MACROD2: variants seen among roughly 807,000 people sequenced by gnomAD.
MACROD2 encodes mono-ADP ribosylhydrolase 2, also known as ADP-ribose glycohydrolase MACROD2.
MACROD2 carries 36 observed loss-of-function variants against 70.4 expected under a neutral mutation model. The ratio of observed to expected loss-of-function variants is 0.51; its 90% CI spans 0.39 to 0.68. The LOEUF (loss-of-function observed/expected upper bound fraction) is 0.68, where lower values mean the gene tolerates loss of function less well. Among genes scored for constraint, MACROD2 ranks in the 30% least tolerant of loss-of-function variants. MACROD2 has a pLI of 0.00. For synonymous variants in MACROD2, 172 were observed against 178.8 expected (o/e 0.96, Z 0.30); for missense variants, 496 against 538.4 (o/e 0.92, Z 0.78).
At chr20:14,515,748 T>A (rs1346154803) in intron 4 of MACROD2, among the ~76,000 whole-genome samples, 1 of 151,924 alleles carries the variant, frequency 6.6e-6, no homozygotes, top group East Asian at 1.9e-4. Flanking sequence ...GGATACTAAA[T>A]TCCATTTAGA....
Position 14,233,453 on chromosome 20 carries a change from G to A in MACROD2, c.271+147725G>A, listed in dbSNP as rs556885730. On this transcript the variant is annotated intron_variant, in intron 3 of 17. Transcript: ENST00000684519. Reference sequence around the variant, plus strand: ...CACGCCTGTAATCCCAGCACTTTGGGAGGCCAAGGTGGGAGGATCACGAGG... The same window carrying A: ...CACGCCTGTAATCCCAGCACTTTGGAAGGCCAAGGTGGGAGGATCACGAGG... 9.9e-5 allele frequency among the ~76,000 whole-genome samples: 15 copies of A among 152,104 alleles called. No homozygotes were observed. The South Asian group carries it at 3.1e-3, about 32-fold the overall frequency.
At chr20:14,441,378 C>T (rs2084121032) in intron 3 of MACROD2, among the ~76,000 whole-genome samples, 1 of 152,114 alleles carries the variant, frequency 6.6e-6, no homozygotes. Flanking sequence ...ACTGCCTAGT[C>T]ATAGAGTTGC....
At chr20:14,876,112 T>C (rs186112427) in intron 5 of MACROD2, among the ~76,000 whole-genome samples, 4 of 152,316 alleles carry the variant, frequency 2.6e-5, no homozygotes, top group Admixed American at 2.6e-4. Flanking sequence ...CATTCTCTTT[T>C]CTCCACAGCC....
intron 3 of MACROD2, among the ~76,000 whole-genome samples, chr20:14,320,659 TGGAA>T (rs2082650750): frequency 7.1e-6 from 1 of 141,514 alleles, no homozygotes; most frequent in South Asian, 2.4e-4. Context: ...TAATCACCTT[TGGAA>T]TTTTTTTTTT....
intron 5 of MACROD2, among the ~76,000 whole-genome samples, chr20:15,131,754 A>G (rs1486518980): frequency 6.6e-6 from 1 of 152,058 alleles, no homozygotes; most frequent in African/African-American, 2.4e-5. Context: ...ACCAAGGGGA[A>G]AACATGTATG....
chr20:14,491,753 T>A (rs1396898664), intron 3 of MACROD2, among the ~76,000 whole-genome samples: 2 of 152,224 alleles, frequency 1.3e-5, no homozygotes, highest in African/African-American at 4.8e-5. Flanking sequence ...CATGGTAATT[T>A]AAGTGAAGAG....
chr20:14,531,965 G>A (rs1412985069), intron 4 of MACROD2, among the ~76,000 whole-genome samples: 1 of 152,066 alleles, frequency 6.6e-6, no homozygotes, highest in African/African-American at 2.4e-5. Context: ...GTTCCTCTCA[G>A]CCAGCACTCG....
At chr20:15,533,525 TTCTGTC>T (rs954854706) in intron 8 of MACROD2, among the ~76,000 whole-genome samples, 3 of 142,964 alleles carry the variant, frequency 2.1e-5, no homozygotes, top group Non-Finnish European at 4.6e-5. Flanking sequence ...CTATCCAACT[TTCTGTC>T]TCTGTCTCTG....
In MACROD2 at chr20:14,600,770, C is replaced by T. The variant is rs575144245; in HGVS notation, c.302-84073C>T. ...TGCTCCTGAGCAGGCTTTATTTTGTCATTGCATTTGTATTAGTGTGGCCTT... is the reference window on the plus strand; with the variant it reads ...TGCTCCTGAGCAGGCTTTATTTTGTTATTGCATTTGTATTAGTGTGGCCTT... On this transcript the variant is annotated intron_variant, in intron 4 of 17. Transcript: ENST00000684519. Among the ~76,000 whole-genome samples, 4 of 152,258 alleles carry T rather than the reference C, an allele frequency of 2.6e-5. No homozygotes were observed. In the East Asian group the frequency reaches 7.7e-4, roughly 29 times the overall value.
chr20:15,456,763 C>T (rs1414706873), intron 7 of MACROD2, among the ~76,000 whole-genome samples: 1 of 152,112 alleles, frequency 6.6e-6, no homozygotes, highest in Non-Finnish European at 1.5e-5. Flanking sequence ...CTGGGTCTTA[C>T]CCCTCAAAAT....
intron 4 of MACROD2, among the ~76,000 whole-genome samples, chr20:14,612,045 C>T (rs961908458): frequency 1.3e-5 from 2 of 152,038 alleles, no homozygotes; most frequent in Admixed American, 6.6e-5. Flanking sequence ...CTAGATTTTG[C>T]AGTTTTAATC....
chr20:14,390,070 T>C (rs1049167636), intron 3 of MACROD2, among the ~76,000 whole-genome samples: 2 of 152,206 alleles, frequency 1.3e-5, no homozygotes. Flanking sequence ...AAAATCAATG[T>C]GTAAAAATTA....
At chr20:15,789,295 T>G (rs1276778011) in intron 8 of MACROD2, among the ~76,000 whole-genome samples, 1 of 152,194 alleles carries the variant, frequency 6.6e-6, no homozygotes, top group East Asian at 1.9e-4. Flanking sequence ...TCTTTTGGAT[T>G]GCGTTCAGAG....
At chr20:14,559,411 G>C (rs1979276960) in intron 4 of MACROD2, among the ~76,000 whole-genome samples, 1 of 151,598 alleles carries the variant, frequency 6.6e-6, no homozygotes. Flanking sequence ...ATATCTGCTA[G>C]AACAAGTAAT....
At chr20:14,772,372 A>G (rs1310053361) in intron 5 of MACROD2, among the ~76,000 whole-genome samples, 3 of 152,216 alleles carry the variant, frequency 2.0e-5, no homozygotes, top group Middle Eastern at 3.4e-3. Flanking sequence ...GGAAGTTTAT[A>G]TAAGAAAGAG....
intron 5 of MACROD2, among the ~76,000 whole-genome samples, chr20:15,217,854 G>T (rs531363152): frequency 2.6e-5 from 4 of 152,182 alleles, no homozygotes; most frequent in African/African-American, 7.2e-5. Flanking sequence ...CTGTGGAAAG[G>T]TCTCTTGGTT....
intron 5 of MACROD2, among the ~76,000 whole-genome samples, chr20:15,078,737 C>G (rs1468194701): frequency 6.7e-6 from 1 of 149,112 alleles, no homozygotes; most frequent in African/African-American, 2.5e-5. Context: ...ATCTTCGACT[C>G]CTGGGTTCAA....
chr20:15,470,196 T>C (rs1475937017), intron 7 of MACROD2, among the ~76,000 whole-genome samples: 1 of 152,112 alleles, frequency 6.6e-6, no homozygotes, highest in Non-Finnish European at 1.5e-5. Flanking sequence ...ATTACAGGCA[T>C]GTGCCACCAC....
chr20:14,222,645 A>C (rs1474162154), intron 3 of MACROD2, among the ~76,000 whole-genome samples: 1 of 152,154 alleles, frequency 6.6e-6, no homozygotes, highest in African/African-American at 2.4e-5. Flanking sequence ...CAAATTTTTA[A>C]AAAGGCAAAT....
Sources: gnomAD v4.1 joint callset for allele counts (sites outside exome capture counted in the v4.1 genomes callset) on GRCh38, gnomAD v4.1.1 for gene constraint, MANE v1.5 for transcripts, NCBI Gene and HGNC (gene_info 2026-07-23, HGNC 2026-07-21) for gene names.